CHD5: variants seen among roughly 807,000 people sequenced by gnomAD.
CHD5 encodes the protein chromodomain helicase DNA binding protein 5, also known as ATP-dependent chromatin remodeler CHD5.
A neutral mutation model predicts 230.3 loss-of-function variants in CHD5; 69 were observed. The ratio of observed to expected loss-of-function variants is 0.30; its 90% CI spans 0.25 to 0.37. The LOEUF (loss-of-function observed/expected upper bound fraction) is 0.37. Among genes scored for constraint, CHD5 ranks in the 10% least tolerant of loss-of-function variants. The pLI, the probability that CHD5 is intolerant of heterozygous loss-of-function variation, is 1.00. For synonymous variants in CHD5, 1,064 were observed against 1,065.9 expected (o/e 1.00, Z 0.03); for missense variants, 1,827 against 2,622.8 (o/e 0.70, Z 6.63).
intron 1 of CHD5, among the ~76,000 whole-genome samples, chr1:6,174,826 G>C (rs1361801917): frequency 6.6e-6 from 1 of 151,576 alleles, no homozygotes; most frequent in East Asian, 1.9e-4. Context: ...AGGATGGACG[G>C]ATGGATAAAT....
In CHD5 at chr1:6,117,008, G is replaced by A. The variant is rs546259418; in HGVS notation, c.4913-4010C>T. Among the ~76,000 whole-genome samples, 35 of 152,312 alleles carry A rather than the reference G, an allele frequency of 2.3e-4. No individual in the cohort carries two copies. The South Asian group carries it at 7.0e-3, about 31-fold the overall frequency. ...TGAGTTAGAGCTAAAGCTATCTAAA[G>A]TCCTCATATTACTCAGGGGTATACA... On this transcript the variant is annotated intron_variant, in intron 33 of 41. Transcript: ENST00000262450.
At chr1:6,169,503 T>G (rs530527770) in intron 1 of CHD5, among the ~76,000 whole-genome samples, 1 of 152,226 alleles carries the variant, frequency 6.6e-6, no homozygotes, top group East Asian at 1.9e-4. Context: ...CTGGGGGGTG[T>G]GACGTGAGAC....
In CHD5 at chr1:6,131,627, G is replaced by T. The variant is rs773602234; in HGVS notation, c.3262+4C>A. On this transcript the variant is annotated splice_donor_region_variant and intron_variant, in intron 21 of 41. Transcript: ENST00000262450. This position sits in a 1 kb window ranked among gnomAD's most constrained non-coding sequence, Gnocchi z 5.0. ...ATCAGAACCCTTGGGCAGGATGGGG[G>T]TACCATTGAATCTGTCGATTGCCTC... The T allele has an allele frequency of 8.4e-6, 13 of 1,542,284 alleles. No homozygotes were observed. The highest frequency in any genetic ancestry group is 6.3e-6 in the Non-Finnish European group (7 of 1,114,604).
At position 6,149,421 on chromosome 1, in the gene CHD5, G is replaced by C; in HGVS notation, c.995-9C>G. On this transcript the variant is annotated splice_polypyrimidine_tract_variant and intron_variant, in intron 7 of 41. Transcript: ENST00000262450. ...GCCGTCACCATCATCAACTAGGGTA[G>C]GGGAGAGGCAGTCATGGAAGTCCTC... The C allele has an allele frequency of 6.3e-7, 1 of 1,597,428 alleles. No individual in the cohort carries two copies. The highest frequency in any genetic ancestry group is 8.6e-7 in the Non-Finnish European group (1 of 1,168,548).
intron 33 of CHD5, among the ~76,000 whole-genome samples, chr1:6,119,787 A>AT (rs1210747226): frequency 6.7e-6 from 1 of 149,748 alleles, no homozygotes; most frequent in Non-Finnish European, 1.5e-5. Context: ...ATGTGCGTAT[A>AT]TACGTACGTA....
rs1666561304 is a variant in CHD5 at position 6,126,517 on chromosome 1, GC to G, written c.4078+54del. 6.5e-7 allele frequency: 1 copy of G among 1,529,488 alleles called. No homozygotes were observed. Among genetic ancestry groups the G allele is most frequent in the Admixed American group, 1.7e-5 (1 of 59,770 alleles). 94.7% of individuals were successfully genotyped at this position (1,529,488 alleles called of 1,614,324 possible). A position where few individuals can be genotyped will look rare whatever the true frequency, so the allele number is the denominator to read the frequency against. On this transcript the variant is annotated intron_variant, in intron 26 of 41. Transcript: ENST00000262450. This position sits in a 1 kb window ranked among gnomAD's most constrained non-coding sequence, Gnocchi z 5.7. ...CACAGGGATGCCCTGACAGAATCCT[GC>G]CCCACCCTCCGCCTCTGGGTGAGGG...
intron 25 of CHD5, chr1:6,127,097 G>A (rs1351794453): frequency 3.4e-6 from 1 of 298,282 alleles, no homozygotes; most frequent in Admixed American, 4.9e-5. Context: ...TCTGCACGGA[G>A]GGTGGGGAGC....
rs758507133 is a variant in CHD5 at position 6,168,243 on chromosome 1, G to A, written c.114C>T (p.Asp38=). 2.5e-5 allele frequency: 40 copies of A among 1,609,850 alleles called. No homozygotes were observed. The highest frequency in any genetic ancestry group is 3.3e-4 in the Middle Eastern group (2 of 6,062). ...EEDGGLEAFD[D]FFPVEPVSLP... is the part of the protein sequence containing the mutation. ...GGCTCACGGGCTCCACAGGGAAAAA[G>A]TCATCGAAGGCTTCAAGACCACCAT... The change falls in exon 2 of 42, where the codon GAC becomes GAT. Residue 38 remains aspartate, a synonymous_variant. Coordinates refer to ENST00000262450, the MANE Select transcript of CHD5 (RefSeq NM_015557.3).
In CHD5 at chr1:6,144,124, T is replaced by C; in HGVS notation, c.1834A>G (p.Ile612Val). The C allele has an allele frequency of 2.5e-6, 4 of 1,614,138 alleles. No individual in the cohort carries two copies. In the South Asian group the frequency reaches 4.4e-5, roughly 18 times the overall value. The change falls in exon 12 of 42, where the codon ATC (isoleucine) becomes GTC (valine). Residue 612 changes from isoleucine to valine, a missense_variant. Ile to Val is a conservative substitution (Grantham distance 29). Coordinates refer to ENST00000262450, the MANE Select transcript of CHD5 (RefSeq NM_015557.3). ...FDKKGDVHYL[I>V]KWKDLPYDQC... ...TCGTAGGGCAGGTCTTTCCACTTGATCAGGTAGTGCACATCCCCCTTCTTG... is the reference window on the plus strand; with the variant it reads ...TCGTAGGGCAGGTCTTTCCACTTGACCAGGTAGTGCACATCCCCCTTCTTG...
intron 11 of CHD5, among the ~76,000 whole-genome samples, chr1:6,145,819 C>T (rs1666900140): frequency 6.6e-6 from 1 of 152,194 alleles, no homozygotes; most frequent in Admixed American, 6.5e-5. Flanking sequence ...GCCTCCCTCC[C>T]AGGGTAGGCA....
At chr1:6,174,950 TGGATGGATGGATGGTGGATGAA>T (rs764395583) in intron 1 of CHD5, among the ~76,000 whole-genome samples, 2,342 of 139,358 alleles carry the variant, frequency 0.017, 22 homozygotes, top group Non-Finnish European at 0.027. Context: ...GGTGGGTGGG[TGGATGGATGGATGGTGGATGAA>T]GGATGGATGG....
chr1:6,159,025 A>AAG (rs1667123329), intron 3 of CHD5, among the ~76,000 whole-genome samples: 2 of 149,778 alleles, frequency 1.3e-5, no homozygotes, highest in Admixed American at 6.7e-5. Context: ...AAAAAAAAAA[A>AAG]AGAGATGGGG....
chr1:6,142,120 GC>G lies in CHD5; in HGVS notation c.2436+7del. The stretch of plus-strand genomic sequence containing the variant: ...CCTACCGTCCTTCCAAGGATAGCGA[GC>G]CCTCACCTTCATACGGAATACCTTC... On this transcript the variant is annotated splice_region_variant and intron_variant, in intron 15 of 41. Transcript: ENST00000262450. The surrounding 1 kb of genome is among the most constrained non-coding windows in gnomAD (Gnocchi z 5.2). 1 of 1,609,986 alleles carries G rather than the reference GC, an allele frequency of 6.2e-7. No homozygotes were observed. Among genetic ancestry groups the G allele is most frequent in the Non-Finnish European group, 8.5e-7 (1 of 1,176,386 alleles).
intron 7 of CHD5, among the ~76,000 whole-genome samples, chr1:6,149,936 T>C (rs185491050): frequency 6.9e-6 from 1 of 145,728 alleles, no homozygotes; most frequent in African/African-American, 2.6e-5. Flanking sequence ...TGGATGGATA[T>C]ATGGATAAAC....
chr1:6,159,385 C>T lies in CHD5; in HGVS notation c.338G>A (p.Arg113Gln), dbSNP rs542999319. The T allele has an allele frequency of 1.2e-5, 18 of 1,552,348 alleles. No homozygotes were observed. Among genetic ancestry groups the T allele is most frequent in the South Asian group, 5.9e-5 (5 of 84,166 alleles). Residue 113 changes from arginine (R) to glutamine (Q), a missense_variant, in exon 3 of 42, where the codon CGA (arginine) becomes CAA (glutamine). Arg to Gln is a conservative substitution (Grantham distance 43). Around this residue, in one of 14 missense-constraint regions of CHD5, gnomAD observed 657 missense variants for 816.4 expected, o/e 0.80. Coordinates refer to ENST00000262450, the MANE Select transcript of CHD5 (RefSeq NM_015557.3). ...ATCCTCATCCTCATCCTTCTTTTTT[C>T]GCTTGGCTTTTTTCTCCTTCTTGTC... is the stretch of plus-strand genomic sequence containing the variant. ...LKDKKEKKAK[R>Q]KKKDEDEDDN... is the part of the protein sequence containing the mutation.
chr1:6,138,382 A>T (rs1190270758), intron 15 of CHD5, among the ~76,000 whole-genome samples: 13 of 152,202 alleles, frequency 8.5e-5, no homozygotes, highest in Middle Eastern at 6.8e-3. Flanking sequence ...GTCTCCAAAA[A>T]AAAAAAAGCA....
chr1:6,138,505 G>C (rs1363183610), intron 15 of CHD5, among the ~76,000 whole-genome samples: 3 of 152,194 alleles, frequency 2.0e-5, no homozygotes, highest in Admixed American at 2.0e-4. Flanking sequence ...AGTGATGTAG[G>C]CCTGTCCTGT....
chr1:6,126,837 C>A lies in CHD5; in HGVS notation c.3904-91G>T, dbSNP rs1666566640. 1 of 1,213,860 alleles carries A rather than the reference C, an allele frequency of 8.2e-7. No homozygotes were observed. The highest frequency in any genetic ancestry group is 1.2e-6 in the Non-Finnish European group (1 of 853,644). 75.2% of individuals were successfully genotyped at this position (1,213,860 alleles called of 1,614,324 possible). Reference sequence around the variant, plus strand: ...GCCTCCACCTGACCTGCCCTTTGCCCCCTCAGGGCTCAAGGATTAATGGGA... The same window carrying A: ...GCCTCCACCTGACCTGCCCTTTGCCACCTCAGGGCTCAAGGATTAATGGGA... On this transcript the variant is annotated intron_variant, in intron 25 of 41. Transcript: ENST00000262450. This position sits in a 1 kb window ranked among gnomAD's most constrained non-coding sequence, Gnocchi z 5.7.
At chr1:6,139,323 G>A (rs1383340530) in intron 15 of CHD5, among the ~76,000 whole-genome samples, 16 of 151,934 alleles carry the variant, frequency 1.1e-4, no homozygotes, top group Admixed American at 9.2e-4. Context: ...TGCAGCCTCC[G>A]CCTCCCAGGT....
Sources: gnomAD v4.1 joint callset for allele counts (sites outside exome capture counted in the v4.1 genomes callset) on GRCh38, gnomAD v4.1.1 for gene constraint, gnomAD v4.1.1 regional missense constraint, Gnocchi (gnomAD v3.1) non-coding constraint, MANE v1.5 for transcripts, NCBI Gene and HGNC (gene_info 2026-07-23, HGNC 2026-07-21) for gene names.